The following QTGAL variants were observed in gnomAD, a reference collection of about 807,000 sequenced individuals.
QTGAL encodes the protein BGnT-like protein 1.
At chr17:83,006,648 C>T in the QTGAL span, 10 of 984,902 alleles carry the variant, frequency 1.0e-5, no homozygotes, top group African/African-American at 3.5e-5. The surrounding 1 kb of genome is among the most constrained non-coding windows in gnomAD (Gnocchi z 5.8). Flanking sequence ...ATCCCGACGC[C>T]GTGGCTGTGC....
chr17:82,959,996 G>A, the QTGAL span, among the ~76,000 whole-genome samples: 1 of 152,166 alleles, frequency 6.6e-6, no homozygotes, highest in Non-Finnish European at 1.5e-5. Context: ...CGGGAAAGGT[G>A]GAAACCCAGT....
the QTGAL span, chr17:82,981,381 C>T: frequency 1.3e-5 from 2 of 152,282 alleles, no homozygotes; most frequent in African/African-American, 2.4e-5. Flanking sequence ...AGACCTGCAT[C>T]ATGCCTCCCC....
chr17:82,983,035 C>T, the QTGAL span, among the ~76,000 whole-genome samples: 4 of 152,340 alleles, frequency 2.6e-5, no homozygotes, highest in East Asian at 5.8e-4. Flanking sequence ...AATCCCAGCA[C>T]TTCGGGAGGC....
chr17:82,942,275 G>A, the QTGAL span: 1 of 833,492 alleles, frequency 1.2e-6, no homozygotes, highest in African/African-American at 1.7e-5. Flanking sequence ...CGTTAGTCAT[G>A]AGCACCTGTC....
the QTGAL span, among the ~76,000 whole-genome samples, chr17:82,989,335 C>A: frequency 0.012 from 1,827 of 150,888 alleles, 44 homozygotes; most frequent in African/African-American, 0.042. Flanking sequence ...CACACTACGG[C>A]CTGTTGTGGA....
chr17:82,994,834 A>T, the QTGAL span, among the ~76,000 whole-genome samples: 1 of 152,368 alleles, frequency 6.6e-6, no homozygotes, highest in East Asian at 1.9e-4. Flanking sequence ...TAAAAAGATC[A>T]TTCATCACGA....
At chr17:82,947,749 C>T in the QTGAL span, 1 of 152,522 alleles carries the variant, frequency 6.6e-6, no homozygotes, top group Non-Finnish European at 1.5e-5. Flanking sequence ...CCCTTACCCC[C>T]ACCACATCAG....
At chr17:83,034,795 G>A in the QTGAL span, among the ~76,000 whole-genome samples, 2 of 152,226 alleles carry the variant, frequency 1.3e-5, no homozygotes, top group African/African-American at 4.8e-5. Flanking sequence ...CGTCAGACAT[G>A]CGCGACTGTG....
chr17:83,004,739 C>G, the QTGAL span, among the ~76,000 whole-genome samples: 1 of 127,194 alleles, frequency 7.9e-6, no homozygotes, highest in East Asian at 2.4e-4. Flanking sequence ...GTGTGGGATT[C>G]CTGAGCCCGC....
At chr17:82,980,172 C>T in the QTGAL span, among the ~76,000 whole-genome samples, 1 of 152,292 alleles carries the variant, frequency 6.6e-6, no homozygotes. Flanking sequence ...GGTGTTGACA[C>T]TCAAAGCATA....
At chr17:82,958,165 G>A in the QTGAL span, among the ~76,000 whole-genome samples, 4 of 152,234 alleles carry the variant, frequency 2.6e-5, no homozygotes, top group East Asian at 5.8e-4. Context: ...GGAGCTGCCC[G>A]GGCTGAGCCC....
At chr17:83,014,385 C>T in the QTGAL span, 1 of 1,544,994 alleles carries the variant, frequency 6.5e-7, no homozygotes, top group Non-Finnish European at 8.9e-7. Context: ...TAGGAAAACT[C>T]TTTATTTAAA....
At chr17:82,959,687 C>G in the QTGAL span, among the ~76,000 whole-genome samples, 2 of 94,502 alleles carry the variant, frequency 2.1e-5, no homozygotes, top group East Asian at 6.9e-4. Flanking sequence ...AGTCAGGGCT[C>G]CAGAAGAAAG....
chr17:82,982,755 C>T, the QTGAL span, among the ~76,000 whole-genome samples: 6 of 152,150 alleles, frequency 3.9e-5, no homozygotes, highest in South Asian at 2.1e-4. Context: ...GCAGTTTCTC[C>T]GGGTGATGGG....
At chr17:83,031,807 C>T in the QTGAL span, among the ~76,000 whole-genome samples, 10 of 152,224 alleles carry the variant, frequency 6.6e-5, no homozygotes, top group African/African-American at 1.9e-4. Context: ...GGTCAGGAAC[C>T]GAATCTGTTC....
the QTGAL span, among the ~76,000 whole-genome samples, chr17:82,993,680 C>T: frequency 6.6e-6 from 1 of 151,944 alleles, no homozygotes; most frequent in Non-Finnish European, 1.5e-5. Flanking sequence ...CTGCGGAGTA[C>T]ACATTCTTTT....
chr17:83,014,250 C>A, the QTGAL span, among the ~76,000 whole-genome samples: 1 of 152,158 alleles, frequency 6.6e-6, no homozygotes, highest in Non-Finnish European at 1.5e-5. Flanking sequence ...ACGAAAATAA[C>A]AGGAGAAAAA....
At chr17:82,942,606 A>G in the QTGAL span, 1 of 1,118,952 alleles carries the variant, frequency 8.9e-7, no homozygotes, top group South Asian at 1.3e-5. Flanking sequence ...ACTAGCTGAC[A>G]GCTTTTCCTC....
At chr17:82,971,428 C>T in the QTGAL span, among the ~76,000 whole-genome samples, 23 of 152,158 alleles carry the variant, frequency 1.5e-4, no homozygotes, top group African/African-American at 4.3e-4. Flanking sequence ...CATGGGCAAG[C>T]GCTGGGGTGG....
Sources: gnomAD v4.1 joint callset for allele counts (sites outside exome capture counted in the v4.1 genomes callset) on GRCh38, gnomAD v4.1.1 for gene constraint, Gnocchi (gnomAD v3.1) non-coding constraint, MANE v1.5 for transcripts, NCBI Gene and HGNC (gene_info 2026-07-23, HGNC 2026-07-21) for gene names.